C10orf71: variants seen among roughly 807,000 people sequenced by gnomAD.
C10orf71 encodes the protein cardiac-enriched FHL2-interacting protein.
For synonymous variants in C10orf71, 758 were observed against 726.3 expected (o/e 1.04, Z -0.70); for missense variants, 1,869 against 1,804.5 (o/e 1.04, Z -0.65).
rs1374490131 is a variant in C10orf71, at chr10:49,323,980, C to G, written c.1435C>G (p.Gln479Glu). The G allele has an allele frequency of 6.2e-7, 1 of 1,613,462 alleles. No homozygotes were observed. The highest frequency in any genetic ancestry group is 8.5e-7 in the Non-Finnish European group (1 of 1,179,720). Reference sequence around the variant, plus strand: ...ACCCCCAGGACAGCTAAACGGATACCAAGAGAAGGAGCCCAGTGAATGTCA... The same window carrying G: ...ACCCCCAGGACAGCTAAACGGATACGAAGAGAAGGAGCCCAGTGAATGTCA... ...PSPPGQLNGY[Q>E]EKEPSECQSR... Residue 479 changes from glutamine to glutamate, a missense_variant, in exon 3 of 3, where the codon CAA becomes GAA. By Grantham distance (29) the Gln-to-Glu change is conservative. Coordinates refer to ENST00000374144, the MANE Select transcript of C10orf71 (RefSeq NM_001135196.2).
intron 1 of C10orf71, among the ~76,000 whole-genome samples, chr10:49,311,023 A>G (rs1344724975): frequency 1.3e-5 from 2 of 151,846 alleles, no homozygotes; most frequent in African/African-American, 4.8e-5. Context: ...ATGCCAGACC[A>G]CCAACTGTTC....
chr10:49,297,067 T>C (rs540662350), upstream of C10orf71, among the ~76,000 whole-genome samples: 11 of 152,334 alleles, frequency 7.2e-5, 1 homozygote, highest in South Asian at 2.3e-3. Context: ...GCAAACACCA[T>C]TCGCTCCTGC....
chr10:49,327,118 C>G lies in C10orf71; in HGVS notation c.*265C>G. 1.6e-6 allele frequency: 2 copies of G among 1,236,670 alleles called. No homozygotes were observed. The highest frequency in any genetic ancestry group is 2.9e-5 in the South Asian group (2 of 69,290). 76.6% of individuals were successfully genotyped at this position (1,236,670 alleles called of 1,614,324 possible). ...CCCTCCGTGCCAGTTCCCAGGCGCACTCTACTCCAGCCCTTCTCCCTCCCT... is the reference window on the plus strand; with the variant it reads ...CCCTCCGTGCCAGTTCCCAGGCGCAGTCTACTCCAGCCCTTCTCCCTCCCT... On this transcript the variant is annotated 3_prime_UTR_variant, in exon 3 of 3. Coordinates refer to ENST00000374144, the MANE Select transcript of C10orf71 (RefSeq NM_001135196.2).
chr10:49,298,104 C>T (rs542087159), upstream of C10orf71, among the ~76,000 whole-genome samples: 4 of 152,304 alleles, frequency 2.6e-5, no homozygotes, highest in African/African-American at 9.6e-5. Context: ...GGCTGTCAGC[C>T]GGTTCAAGGC....
chr10:49,324,539 C>T lies in C10orf71; in HGVS notation c.1994C>T (p.Thr665Ile), dbSNP rs1173747536. The part of the protein sequence containing the change: ...EPGGATEKMK[T>I]HQLENGLSRS... ...GGAGGGGCTACAGAGAAAATGAAGA[C>T]CCACCAGCTAGAGAATGGGCTCTCC... The change falls in exon 3 of 3, where the codon ACC becomes ATC. Residue 665 changes from threonine to isoleucine, a missense_variant. Coordinates refer to ENST00000374144, the MANE Select transcript of C10orf71 (RefSeq NM_001135196.2). 5.0e-6 allele frequency: 8 copies of T among 1,613,450 alleles called. No homozygotes were observed. Among genetic ancestry groups the T allele is most frequent in the Non-Finnish European group, 6.8e-6 (8 of 1,179,674 alleles).
In C10orf71 at chr10:49,324,721, G is replaced by T. The variant is rs1849183837; in HGVS notation, c.2176G>T (p.Ala726Ser). Residue 726 changes from alanine (A) to serine (S), a missense_variant, in exon 3 of 3, where the codon GCC (alanine) becomes TCC (serine). Transcript: ENST00000374144. ...SDFMPSLKGK[A>S]KFSTSSSDQS... is the part of the protein sequence containing the mutation. Reference sequence around the variant, plus strand: ...TTTTATGCCAAGCCTCAAAGGTAAGGCCAAATTCAGCACCAGCTCTTCAGA... The same window carrying T: ...TTTTATGCCAAGCCTCAAAGGTAAGTCCAAATTCAGCACCAGCTCTTCAGA... 6.3e-7 allele frequency: 1 copy of T among 1,585,648 alleles called. No individual in the cohort carries two copies. The highest frequency in any genetic ancestry group is 8.6e-7 in the Non-Finnish European group (1 of 1,163,728).
chr10:49,301,385 A>G (rs965618464), intron 1 of C10orf71, among the ~76,000 whole-genome samples: 6 of 152,332 alleles, frequency 3.9e-5, no homozygotes, highest in African/African-American at 1.4e-4. Context: ...TTAATTGGAA[A>G]AATCTCAGAC....
At position 49,327,126 on chromosome 10, in the gene C10orf71, C is replaced by G; in HGVS notation, c.*273C>G. ...GCCAGTTCCCAGGCGCACTCTACTC[C>G]AGCCCTTCTCCCTCCCTCCCTTCCT... On this transcript the variant is annotated 3_prime_UTR_variant, in exon 3 of 3. Coordinates refer to ENST00000374144, the MANE Select transcript of C10orf71 (RefSeq NM_001135196.2). 1.7e-6 allele frequency: 2 copies of G among 1,149,042 alleles called. No homozygotes were observed. The highest frequency in any genetic ancestry group is 2.4e-6 in the Non-Finnish European group (2 of 847,866). The allele number at this position is 1,149,042 out of a possible 1,614,324, so 71.2% of individuals were successfully genotyped here. A position where few individuals can be genotyped will look rare whatever the true frequency, so the allele number is the denominator to read the frequency against.
chr10:49,317,971 A>G (rs986271738), intron 2 of C10orf71, among the ~76,000 whole-genome samples: 7 of 152,206 alleles, frequency 4.6e-5, no homozygotes, highest in Non-Finnish European at 1.0e-4. Context: ...CCAATGAGAA[A>G]GGCTAGGATC....
chr10:49,307,838 T>C (rs563641049), intron 1 of C10orf71, among the ~76,000 whole-genome samples: 1 of 152,186 alleles, frequency 6.6e-6, no homozygotes, highest in Non-Finnish European at 1.5e-5. Context: ...CTCTCTTCTT[T>C]TCTCCTGTGA....
chr10:49,326,827 G>A lies in C10orf71; in HGVS notation c.4282G>A (p.Asp1428Asn). 2 of 1,544,550 alleles carry A rather than the reference G, an allele frequency of 1.3e-6. No homozygotes were observed. The highest frequency in any genetic ancestry group is 8.7e-7 in the Non-Finnish European group (1 of 1,145,166). The change falls in exon 3 of 3, where the codon GAC becomes AAC. Residue 1428 changes from aspartate (D) to asparagine (N), a missense_variant. Asp to Asn is a conservative substitution (Grantham distance 23, BLOSUM62 1). Coordinates refer to ENST00000374144, the MANE Select transcript of C10orf71 (RefSeq NM_001135196.2). ...CATCATCTCCACTGATGACCTAGAG[G>A]ACTTTGCCACAGAAGGCATTTCTTG... ...LGIISTDDLE[D>N]FATEGIS is the part of the protein sequence containing the mutation.
intron 1 of C10orf71, among the ~76,000 whole-genome samples, chr10:49,312,397 ATG>A: frequency 1.3e-5 from 2 of 152,252 alleles, no homozygotes; most frequent in African/African-American, 4.8e-5. Context: ...TCTGCAGAAC[ATG>A]GCGCTGTTGA....
intron 2 of C10orf71, among the ~76,000 whole-genome samples, chr10:49,316,754 A>G (rs1849005950): frequency 6.6e-6 from 1 of 152,180 alleles, no homozygotes; most frequent in Admixed American, 6.5e-5. Context: ...GTCCTTGTGT[A>G]GCTCCAGGAG....
chr10:49,322,764 C>T lies in C10orf71; in HGVS notation c.219C>T (p.Gly73=). Residue 73 remains glycine, a synonymous_variant, in exon 3 of 3, where the codon GGC becomes GGT. Coordinates refer to ENST00000374144, the MANE Select transcript of C10orf71 (RefSeq NM_001135196.2). ...VFGTFHQRTV[G]HTQRKSGIWS... is the part of the protein sequence containing the mutation. ...GGACTTTTCACCAGAGAACAGTGGG[C>T]CACACCCAGAGGAAAAGTGGCATTT... The T allele has an allele frequency of 3.7e-6, 6 of 1,613,504 alleles. No homozygotes were observed. Among genetic ancestry groups the T allele is most frequent in the Non-Finnish European group, 5.1e-6 (6 of 1,179,542 alleles).
chr10:49,310,365 G>C lies in C10orf71; in HGVS notation c.-247-5780G>C, dbSNP rs975297924. 3.3e-5 allele frequency among the ~76,000 whole-genome samples: 5 copies of C among 152,306 alleles called. No individual in the cohort carries two copies. The South Asian group carries it at 1.0e-3, about 32-fold the overall frequency. ...AACTCCAGCCCATGAGCCATAAGCG[G>C]GGCTGGCAACACCTCCCAGGACACG... is the stretch of plus-strand genomic sequence containing the variant. On this transcript the variant is annotated intron_variant, in intron 1 of 2. Coordinates refer to ENST00000374144, the MANE Select transcript of C10orf71 (RefSeq NM_001135196.2).
At chr10:49,321,627 A>G (rs554443343) in intron 2 of C10orf71, among the ~76,000 whole-genome samples, 2 of 152,306 alleles carry the variant, frequency 1.3e-5, no homozygotes, top group South Asian at 4.1e-4. Context: ...GAATCTTTAT[A>G]CTGTTTTCCA....
rs1023900263 is a variant in C10orf71, at chr10:49,325,908, C to A, written c.3363C>A (p.Gly1121=). The change falls in exon 3 of 3, where the codon GGC becomes GGA. Residue 1121 remains glycine (G), a synonymous_variant. Coordinates refer to ENST00000374144, the MANE Select transcript of C10orf71 (RefSeq NM_001135196.2). ...EDLTHALVWE[G]GSDPLLELSA... ...TGACCCACGCCCTCGTGTGGGAGGG[C>A]GGCTCTGACCCCCTACTTGAGCTGT... 2.6e-6 allele frequency: 4 copies of A among 1,549,816 alleles called. No homozygotes were observed. The highest frequency in any genetic ancestry group is 3.5e-6 in the Non-Finnish European group (4 of 1,145,802).
At chr10:49,306,859 A>T (rs1848823125) in intron 1 of C10orf71, among the ~76,000 whole-genome samples, 1 of 152,234 alleles carries the variant, frequency 6.6e-6, no homozygotes, top group Admixed American at 6.5e-5. Context: ...AGAGCTCCTG[A>T]AGGAGCCATG....
chr10:49,309,620 G>T (rs900272028), intron 1 of C10orf71, among the ~76,000 whole-genome samples: 7 of 152,206 alleles, frequency 4.6e-5, no homozygotes, highest in African/African-American at 9.7e-5. Flanking sequence ...TGTTAGAATT[G>T]CACAGAGAGG....
Sources: allele counts gnomAD v4.1 joint callset (sites outside exome capture counted in the v4.1 genomes callset), GRCh38; gene constraint gnomAD v4.1.1; transcripts MANE v1.5; gene names NCBI Gene and HGNC (gene_info 2026-07-23, HGNC 2026-07-21).